Variants in NKAIN2 observed in about 807,000 individuals in gnomAD.
The protein encoded by NKAIN2 is sodium/potassium transporting ATPase interacting 2, also known as sodium/potassium-transporting ATPase subunit beta-1-interacting protein 2.
In NKAIN2, 14 loss-of-function variants were observed where a neutral mutation model predicts 32.6. The ratio of observed to expected loss-of-function variants is 0.43; its 90% CI spans 0.28 to 0.67. The LOEUF (loss-of-function observed/expected upper bound fraction) is 0.67, where lower values mean the gene tolerates loss of function less well. Among genes scored for constraint, NKAIN2 ranks in the 30% least tolerant of loss-of-function variants. The pLI is 0.17. For synonymous variants in NKAIN2, 80 were observed against 87.2 expected, an observed-to-expected ratio of 0.92 and a Z score of 0.46; for missense variants, 198 against 258.3, an observed-to-expected ratio of 0.77 and a Z score of 1.60.
At chr6:124,089,163 A>G (rs1027063885) in intron 1 of NKAIN2, among the ~76,000 whole-genome samples, 4 of 152,008 alleles carry the variant, frequency 2.6e-5, no homozygotes, top group African/African-American at 9.7e-5. Flanking sequence ...TTCCGTATAT[A>G]ACAAGCTATA....
intron 1 of NKAIN2, among the ~76,000 whole-genome samples, chr6:124,268,827 A>G (rs904252133): frequency 1.1e-4 from 16 of 152,198 alleles, no homozygotes; most frequent in African/African-American, 3.9e-4. Flanking sequence ...GGCTCTAGAC[A>G]AATCATCTTT....
At chr6:124,435,558 C>A (rs1775406158) in intron 3 of NKAIN2, among the ~76,000 whole-genome samples, 1 of 152,090 alleles carries the variant, frequency 6.6e-6, no homozygotes, top group Non-Finnish European at 1.5e-5. Context: ...ATCACAGAGA[C>A]TTTAAATGCA....
At chr6:124,199,484 G>C (rs1275918810) in intron 1 of NKAIN2, among the ~76,000 whole-genome samples, 1 of 152,042 alleles carries the variant, frequency 6.6e-6, no homozygotes, top group African/African-American at 2.4e-5. Flanking sequence ...TCCTTTCTTT[G>C]TTTGACATCT....
In NKAIN2 at chr6:123,897,390, G is replaced by T. The variant is rs1297251275; in HGVS notation, c.54+93136G>T. ...CTAACTTTGCCTGTTTCCTTCACCT[G>T]CTGGTTTACCACACTATTCGTCAAG... On this transcript the variant is annotated intron_variant, in intron 1 of 6. Transcript: ENST00000368417. Among the ~76,000 whole-genome samples the T allele has an allele frequency of 2.0e-5, 3 of 152,054 alleles. No homozygotes were observed. The East Asian group carries it at 5.8e-4, about 29-fold the overall frequency.
At chr6:123,912,995 A>T (rs1319978060) in intron 1 of NKAIN2, among the ~76,000 whole-genome samples, 2 of 152,222 alleles carry the variant, frequency 1.3e-5, no homozygotes, top group East Asian at 3.9e-4. Context: ...CTTCTTAGAC[A>T]TACCATTGAA....
At chr6:124,720,106 T>TAA (rs1775943164) in intron 4 of NKAIN2, among the ~76,000 whole-genome samples, 1 of 152,156 alleles carries the variant, frequency 6.6e-6, no homozygotes, top group African/African-American at 2.4e-5. Flanking sequence ...CTGAAAGGAA[T>TAA]AAAATGGCAT....
chr6:124,658,482 T>G (rs1321974717), intron 4 of NKAIN2, 96 bp downstream of exon 4: 1 of 1,577,084 alleles, frequency 6.3e-7, no homozygotes, highest in African/African-American at 1.4e-5. Flanking sequence ...GTGGGTAAAG[T>G]GTGGCCTTTT....
intron 4 of NKAIN2, among the ~76,000 whole-genome samples, chr6:124,732,606 A>G (rs1225638739): frequency 1.3e-5 from 2 of 152,094 alleles, no homozygotes; most frequent in East Asian, 1.9e-4. Context: ...TAAAAAAGTA[A>G]TAACTCAAAT....
chr6:124,341,848 A>C (rs1047726515), intron 2 of NKAIN2, among the ~76,000 whole-genome samples: 48 of 152,198 alleles, frequency 3.2e-4, no homozygotes, highest in African/African-American at 1.1e-3. Flanking sequence ...GTGAATTAGA[A>C]CACAAGATTT....
intron 1 of NKAIN2, among the ~76,000 whole-genome samples, chr6:124,091,885 C>G (rs1177928224): frequency 2.0e-5 from 3 of 151,986 alleles, no homozygotes; most frequent in Non-Finnish European, 4.4e-5. Flanking sequence ...CAGATCTTCA[C>G]TTATTCTTAC....
At chr6:124,562,533 CAAAG>C (rs1414393145) in intron 3 of NKAIN2, among the ~76,000 whole-genome samples, 2 of 152,048 alleles carry the variant, frequency 1.3e-5, no homozygotes, top group Non-Finnish European at 2.9e-5. Context: ...TTAAGGTTCT[CAAAG>C]AATTTTGGTT....
chr6:124,402,846 C>T (rs75674903), intron 3 of NKAIN2, among the ~76,000 whole-genome samples: 59 of 152,236 alleles, frequency 3.9e-4, no homozygotes, highest in African/African-American at 1.4e-3. Flanking sequence ...AACTACCTAT[C>T]GGGCACCATG....
At chr6:124,614,430 A>G (rs372841552) in intron 3 of NKAIN2, among the ~76,000 whole-genome samples, 9 of 152,236 alleles carry the variant, frequency 5.9e-5, no homozygotes, top group African/African-American at 2.2e-4. Context: ...CCTTTGTCAT[A>G]TCTCTATTTT....
chr6:123,899,848 C>A (rs1414697769), intron 1 of NKAIN2, among the ~76,000 whole-genome samples: 1 of 152,192 alleles, frequency 6.6e-6, no homozygotes, highest in East Asian at 1.9e-4. Flanking sequence ...GCAGCCCTAG[C>A]CTCTGTAGGG....
chr6:123,892,013 A>G (rs1187987135), intron 1 of NKAIN2, among the ~76,000 whole-genome samples: 1 of 152,162 alleles, frequency 6.6e-6, no homozygotes, highest in Non-Finnish European at 1.5e-5. Context: ...TTCAGGACAA[A>G]TTTAATCAGT....
At chr6:124,321,972 T>TATATTACTATATTCTGACTTTA (rs1273766582) in intron 2 of NKAIN2, among the ~76,000 whole-genome samples, 1 of 152,200 alleles carries the variant, frequency 6.6e-6, no homozygotes, top group Non-Finnish European at 1.5e-5. Flanking sequence ...CTGACTTTAA[T>TATATTACTATATTCTGACTTTA]ATATATTTCT....
chr6:124,235,171 C>A (rs1792683827), intron 1 of NKAIN2, among the ~76,000 whole-genome samples: 1 of 152,260 alleles, frequency 6.6e-6, no homozygotes. Context: ...TCTTGAAGGT[C>A]AAAACCATGT....
chr6:124,032,429 A>G (rs977845692), intron 1 of NKAIN2, among the ~76,000 whole-genome samples: 3 of 152,056 alleles, frequency 2.0e-5, no homozygotes, highest in African/African-American at 7.2e-5. Flanking sequence ...CAGAGTGCTG[A>G]ACCCATCTTT....
chr6:124,255,158 T>C (rs894406095), intron 1 of NKAIN2, among the ~76,000 whole-genome samples: 1 of 152,180 alleles, frequency 6.6e-6, no homozygotes, highest in Non-Finnish European at 1.5e-5. Context: ...ACAGTGCTTT[T>C]ACAAGGGAAG....
Sources: gnomAD v4.1 joint callset for allele counts (sites outside exome capture counted in the v4.1 genomes callset) on GRCh38, gnomAD v4.1.1 for gene constraint, MANE v1.5 for transcripts, NCBI Gene and HGNC (gene_info 2026-07-23, HGNC 2026-07-21) for gene names.